CNTN1: variants seen among roughly 807,000 people sequenced by gnomAD.
CNTN1 encodes the protein contactin 1.
Under a neutral mutation model 126.4 loss-of-function variants are expected in CNTN1, and 38 were observed. The ratio of observed to expected loss-of-function variants is 0.30; its 90% CI spans 0.23 to 0.39. CNTN1 has a LOEUF of 0.39. Ranked by LOEUF, CNTN1 falls within the 10% of genes least tolerant of loss-of-function variation. The pLI is 1.00. For missense variants in CNTN1, 1,009 were observed against 1,248.4 expected (o/e 0.81, Z 2.89); for synonymous variants, 413 against 422.6 (o/e 0.98, Z 0.28).
intron 23 of CNTN1, among the ~76,000 whole-genome samples, chr12:41,061,176 T>C (rs1195370372): frequency 6.6e-6 from 1 of 152,176 alleles, no homozygotes; most frequent in African/African-American, 2.4e-5. Context: ...ATAATTATGG[T>C]CTCACCTTGC....
At chr12:40,900,583 T>A (rs746301207) in intron 1 of CNTN1, among the ~76,000 whole-genome samples, 1 of 152,218 alleles carries the variant, frequency 6.6e-6, no homozygotes, top group Non-Finnish European at 1.5e-5. Flanking sequence ...TTTGACATGC[T>A]AATGGAAAAT....
intron 12 of CNTN1, among the ~76,000 whole-genome samples, chr12:40,939,966 T>A (rs1946208641): frequency 6.6e-6 from 1 of 152,182 alleles, no homozygotes; most frequent in Admixed American, 6.6e-5. Context: ...GATGTTATCA[T>A]CATCTTCCTT....
chr12:40,715,696 C>G (rs1942031483), intron 1 of CNTN1, among the ~76,000 whole-genome samples: 1 of 152,084 alleles, frequency 6.6e-6, no homozygotes, highest in Admixed American at 6.6e-5. Context: ...GATTTCAAAT[C>G]TCTTATAATT....
At position 40,813,058 on chromosome 12, in the gene CNTN1, T is replaced by TCTTTCTTTCTTTCTTC. The variant is rs71078274; in HGVS notation, c.-76-95296_-76-95295insTCTTTCTTTCTTCCTT. On this transcript the variant is annotated intron_variant, in intron 1 of 23. Transcript: ENST00000551295. ...TCTTTCCTTTCTTTCTTTCTTTCTT[T>TCTTTCTTTCTTTCTTC]CTTCCTTCCTTCCTTCCTTCCTTCC... Among the ~76,000 whole-genome samples, 162 of 104,724 alleles carry TCTTTCTTTCTTTCTTC rather than the reference T, an allele frequency of 1.5e-3. 1 individual carries two copies. The highest frequency in any genetic ancestry group is 4.3e-3 in the African/African-American group (123 of 28,656). The allele number at this position is 104,724 out of a possible 152,430, so 68.7% of individuals were successfully genotyped here.
chr12:40,936,701 AAATGT>A (rs1447576211), intron 9 of CNTN1, 75 bp from the exon 10 acceptor site: 6 of 1,555,820 alleles, frequency 3.9e-6, no homozygotes. Context: ...TAGGTTAACT[AAATGT>A]AATATTTATA....
chr12:40,803,895 C>A (rs1177707146), intron 1 of CNTN1, among the ~76,000 whole-genome samples: 1 of 151,820 alleles, frequency 6.6e-6, no homozygotes, highest in Non-Finnish European at 1.5e-5. Flanking sequence ...AGTGCATCCA[C>A]TTTAAAGGCA....
intron 21 of CNTN1, among the ~76,000 whole-genome samples, chr12:41,026,441 TG>T (rs1289026760): frequency 2.0e-5 from 3 of 152,196 alleles, no homozygotes; most frequent in African/African-American, 7.2e-5. Flanking sequence ...AAATTCTGAT[TG>T]GGTGGCCAGG....
At chr12:40,998,311 A>G (rs543903126) in intron 17 of CNTN1, among the ~76,000 whole-genome samples, 1 of 152,282 alleles carries the variant, frequency 6.6e-6, no homozygotes, top group South Asian at 2.1e-4. Flanking sequence ...ATTTTAATGT[A>G]AAGAATTCTT....
chr12:40,971,737 C>T (rs1947519158), intron 15 of CNTN1: 2 of 1,305,684 alleles, frequency 1.5e-6, no homozygotes, highest in Admixed American at 3.9e-5. Context: ...AGTGAACTAA[C>T]TCAGTACATT....
At chr12:40,807,053 C>A (rs73114720) in intron 1 of CNTN1, among the ~76,000 whole-genome samples, 3,459 of 152,046 alleles carry the variant, frequency 0.023, 128 homozygotes, top group African/African-American at 0.078. Context: ...AGCACAGGAA[C>A]GGTACAGAAT....
At chr12:40,731,716 G>T (rs1030795113) in intron 1 of CNTN1, among the ~76,000 whole-genome samples, 25 of 151,602 alleles carry the variant, frequency 1.6e-4, no homozygotes, top group African/African-American at 5.8e-4. Context: ...TCCATACAAT[G>T]GAATATATTA....
In CNTN1 at chr12:40,908,412, C is replaced by T. The variant is rs1336732359; in HGVS notation, c.-21C>T. 42 of 1,609,552 alleles carry T rather than the reference C, an allele frequency of 2.6e-5. No individual in the cohort carries two copies. The highest frequency in any genetic ancestry group is 3.4e-5 in the Non-Finnish European group (40 of 1,176,956). On this transcript the variant is annotated 5_prime_UTR_variant, in exon 2 of 24. Coordinates refer to ENST00000551295, the MANE Select transcript of CNTN1 (RefSeq NM_001843.4). ...TAAATTCTTTTTTGGAAAATTGAACCGAACTTCTACTGAATACAAGATGAA... is the reference window on the plus strand; with the variant it reads ...TAAATTCTTTTTTGGAAAATTGAACTGAACTTCTACTGAATACAAGATGAA...
chr12:40,763,149 TGA>T (rs1487419804), intron 1 of CNTN1: 1 of 152,276 alleles, frequency 6.6e-6, no homozygotes, highest in East Asian at 1.9e-4. Context: ...CCTGAGGCCC[TGA>T]CCAGAAGCAA....
At chr12:40,863,926 T>TCCTC (rs1555170458) in intron 1 of CNTN1, among the ~76,000 whole-genome samples, 86 of 129,146 alleles carry the variant, frequency 6.7e-4, no homozygotes, top group East Asian at 3.6e-3. Context: ...CTTCCTTCCT[T>TCCTC]CCTCCCTCCC....
chr12:40,892,448 G>A lies in CNTN1; in HGVS notation c.-76-15909G>A, dbSNP rs144948934. On this transcript the variant is annotated intron_variant, in intron 1 of 23. Transcript: ENST00000551295. ...GCCACATTAGAATTTTTCCATGAGA[G>A]GCTGTATTAGGTTACTGACTCCTAT... Among the ~76,000 whole-genome samples, 459 of 152,154 alleles carry A rather than the reference G, an allele frequency of 3.0e-3. 3 individuals are homozygous for A. Among genetic ancestry groups the A allele is most frequent in the African/African-American group, 0.01 (430 of 41,532 alleles).
intron 23 of CNTN1, 149 bp downstream of exon 23, chr12:41,029,368 A>G (rs1283913066): frequency 3.4e-6 from 3 of 882,658 alleles, no homozygotes; most frequent in Non-Finnish European, 5.6e-6. Flanking sequence ...GAAACTTGGT[A>G]TTTCTCCTCT....
chr12:40,926,849 A>G (rs1394087168), intron 6 of CNTN1, among the ~76,000 whole-genome samples: 1 of 152,118 alleles, frequency 6.6e-6, no homozygotes. Flanking sequence ...TGTTGACTTT[A>G]TGTGGTATAT....
At chr12:40,946,663 C>T (rs1419283028) in intron 14 of CNTN1, among the ~76,000 whole-genome samples, 1 of 151,990 alleles carries the variant, frequency 6.6e-6, no homozygotes, top group East Asian at 1.9e-4. Context: ...GAAGTTCTGA[C>T]TAATAATAAA....
intron 1 of CNTN1, among the ~76,000 whole-genome samples, chr12:40,698,620 C>T (rs2121098505): frequency 6.6e-6 from 1 of 152,188 alleles, no homozygotes; most frequent in South Asian, 2.1e-4. Context: ...ATTTCATTCT[C>T]CTCCCTCATA....
Sources: gnomAD v4.1 joint callset for allele counts (sites outside exome capture counted in the v4.1 genomes callset) on GRCh38, gnomAD v4.1.1 for gene constraint, MANE v1.5 for transcripts, NCBI Gene and HGNC (gene_info 2026-07-23, HGNC 2026-07-21) for gene names.